CDC42BPB: variants seen among roughly 807,000 people sequenced by gnomAD.
CDC42BPB encodes CDC42 binding protein kinase beta.
Under a neutral mutation model 214.9 loss-of-function variants are expected in CDC42BPB, and 37 were observed. The observed-to-expected ratio is 0.17, with a 90% CI of 0.13 to 0.23. The LOEUF is 0.23. Among genes scored for constraint, CDC42BPB ranks in the 10% least tolerant of loss-of-function variants. The pLI is 1.00. For missense variants in CDC42BPB, 1,694 were observed against 2,227.0 expected (o/e 0.76, Z 4.82); for synonymous variants, 931 against 884.0 (o/e 1.05, Z -0.94).
At chr14:102,969,301 G>A (rs971959324) in intron 14 of CDC42BPB, among the ~76,000 whole-genome samples, 3 of 152,202 alleles carry the variant, frequency 2.0e-5, no homozygotes, top group Non-Finnish European at 2.9e-5. Context: ...GGGCAAGGAG[G>A]GGCAGGAGAG....
At chr14:102,959,505 T>A (rs1892860640) in intron 21 of CDC42BPB, 126 bp downstream of exon 21, 9 of 667,228 alleles carry the variant, frequency 1.3e-5, no homozygotes. Flanking sequence ...AGCACAACGC[T>A]GAGATAAACA....
chr14:103,055,001 G>A (rs1271542595), intron 1 of CDC42BPB, among the ~76,000 whole-genome samples: 1 of 152,258 alleles, frequency 6.6e-6, no homozygotes, highest in African/African-American at 2.4e-5. Flanking sequence ...AGAGGCCAGT[G>A]GGACCACATC....
intron 1 of CDC42BPB, among the ~76,000 whole-genome samples, chr14:103,037,757 G>A (rs1175744998): frequency 6.6e-6 from 1 of 152,148 alleles, no homozygotes; most frequent in African/African-American, 2.4e-5. Flanking sequence ...TAGGCCGGGC[G>A]TGGTGGCTCA....
rs117700140 is a variant in CDC42BPB, at chr14:103,045,176, C to G, written c.175+11823G>C. ...GGGTGAAGTACAACACAGCAAGGAC[C>G]CTGAAGTGCTGTTTTGGGTGCTGTG... On this transcript the variant is annotated intron_variant, in intron 1 of 36. Coordinates refer to ENST00000361246, the MANE Select transcript of CDC42BPB (RefSeq NM_006035.4). Among the ~76,000 whole-genome samples the G allele has an allele frequency of 5.9e-5, 9 of 151,974 alleles. No individual in the cohort carries two copies. In the East Asian group the frequency reaches 1.7e-3, roughly 29 times the overall value.
intron 5 of CDC42BPB, among the ~76,000 whole-genome samples, chr14:102,995,760 G>A (rs531140677): frequency 1.2e-4 from 18 of 152,230 alleles, no homozygotes; most frequent in Non-Finnish European, 2.2e-4. Flanking sequence ...TCCAAACCAT[G>A]CTGTAACGTC....
At chr14:102,968,981 A>G (rs947577156) in intron 14 of CDC42BPB, 24 of 772,832 alleles carry the variant, frequency 3.1e-5, no homozygotes, top group South Asian at 5.9e-5. Flanking sequence ...TCATGCTTGC[A>G]GCATTCTTCT....
intron 8 of CDC42BPB, among the ~76,000 whole-genome samples, chr14:102,978,776 T>G (rs1219193297): frequency 6.6e-6 from 1 of 152,054 alleles, no homozygotes; most frequent in African/African-American, 2.4e-5. Context: ...GAGGCTGAGG[T>G]GGGTGGCTTG....
In CDC42BPB at chr14:102,943,054, G is replaced by A. The variant is rs9324053; in HGVS notation, c.4408+837C>T. Among the ~76,000 whole-genome samples the A allele has an allele frequency of 5.9e-3, 902 of 152,252 alleles. 11 individuals are homozygous for A. The highest frequency in any genetic ancestry group is 0.021 in the African/African-American group (865 of 41,546). ...CGGCTAATTTTTTTTTGTATTTTTA[G>A]TAGAGATGGGGTTTCACCCTATTAG... On this transcript the variant is annotated intron_variant, in intron 30 of 36. Coordinates refer to ENST00000361246, the MANE Select transcript of CDC42BPB (RefSeq NM_006035.4). The surrounding 1 kb of genome is among the most constrained non-coding windows in gnomAD (Gnocchi z 4.6).
At chr14:103,049,146 C>A (rs985739596) in intron 1 of CDC42BPB, among the ~76,000 whole-genome samples, 6 of 152,210 alleles carry the variant, frequency 3.9e-5, no homozygotes, top group African/African-American at 1.2e-4. Context: ...TCTTCTACAG[C>A]AGAAGTCAGC....
chr14:103,051,519 GTGCC>G (rs1325987105), intron 1 of CDC42BPB, among the ~76,000 whole-genome samples: 3 of 151,394 alleles, frequency 2.0e-5, no homozygotes, highest in South Asian at 2.1e-4. Flanking sequence ...ACAGTCCTGT[GTGCC>G]TGCCTGTTTA....
At position 102,954,275 on chromosome 14, in the gene CDC42BPB, C is replaced by A; in HGVS notation, c.2989G>T (p.Asp997Tyr). The change falls in exon 23 of 37, where the codon GAC becomes TAC. Residue 997 changes from aspartate to tyrosine, a missense_variant and splice_region_variant. Coordinates refer to ENST00000361246, the MANE Select transcript of CDC42BPB (RefSeq NM_006035.4). ...GGCCTCTGCGGGGGCCGAGCCATGTCCTGGGAGACAAGCAGGACAGGTGAG... is the reference window on the plus strand; with the variant it reads ...GGCCTCTGCGGGGGCCGAGCCATGTACTGGGAGACAAGCAGGACAGGTGAG... Reference protein sequence around the residue: ...MSVAASEQQEDMARPPQRPSA... With the variant: ...MSVAASEQQEYMARPPQRPSA... 1 of 1,525,504 alleles carries A rather than the reference C, an allele frequency of 6.6e-7. No individual in the cohort carries two copies. Among genetic ancestry groups the A allele is most frequent in the South Asian group, 1.3e-5 (1 of 79,460 alleles). 94.5% of individuals were successfully genotyped at this position (1,525,504 alleles called of 1,614,324 possible).
intron 1 of CDC42BPB, among the ~76,000 whole-genome samples, chr14:103,021,221 G>A (rs1886752335): frequency 6.6e-6 from 1 of 152,232 alleles, no homozygotes; most frequent in Non-Finnish European, 1.5e-5. Context: ...AGCACTTTGG[G>A]AGGCCGAGGC....
Position 102,964,610 on chromosome 14 carries a change from A to G in CDC42BPB, c.2618T>C (p.Met873Thr). ...CGACTGCAGCTCCAGCCGCGCGGAC[A>G]TGTCCAGCTTCTGGCTGCGGCGCAC... ...WKVRRSQKLD[M>T]SARLELQSAL... The change falls in exon 19 of 37, where the codon ATG becomes ACG. Residue 873 changes from methionine to threonine, a missense_variant. Physicochemically the swap from Met to Thr is moderately conservative, Grantham distance 81. Around this residue, in one of 7 missense-constraint regions of CDC42BPB, gnomAD observed 55 missense variants for 95.5 expected, o/e 0.58. Coordinates refer to ENST00000361246, the MANE Select transcript of CDC42BPB (RefSeq NM_006035.4). The G allele has an allele frequency of 6.2e-7, 1 of 1,613,932 alleles. No homozygotes were observed. Among genetic ancestry groups the G allele is most frequent in the Non-Finnish European group, 8.5e-7 (1 of 1,179,958 alleles).
intron 5 of CDC42BPB, among the ~76,000 whole-genome samples, chr14:102,988,489 C>T (rs901916453): frequency 1.2e-4 from 19 of 152,002 alleles, no homozygotes; most frequent in African/African-American, 4.6e-4. Flanking sequence ...GCCAGAAAAA[C>T]CCTGAAGAGT....
intron 12 of CDC42BPB, among the ~76,000 whole-genome samples, chr14:102,972,897 T>C (rs1350526968): frequency 1.3e-5 from 2 of 151,928 alleles, no homozygotes; most frequent in Non-Finnish European, 2.9e-5. Flanking sequence ...AAAGAACACA[T>C]ATGACACAAA....
chr14:102,972,158 G>C lies in CDC42BPB; in HGVS notation c.1645C>G (p.Leu549Val). The change falls in exon 13 of 37, where the codon CTG becomes GTG. Residue 549 changes from leucine to valine, a missense_variant. Coordinates refer to ENST00000361246, the MANE Select transcript of CDC42BPB (RefSeq NM_006035.4). ...RQEKEELHKQ[L>V]VEASERLKSQ... ...TTCAACCGCTCTGAGGCTTCAACCA[G>C]TTGCTGAACAAAAACAATTATAGAT... 6.2e-7 allele frequency: 1 copy of C among 1,613,280 alleles called. No homozygotes were observed. The highest frequency in any genetic ancestry group is 1.1e-5 in the South Asian group (1 of 90,988).
chr14:102,953,146 TGCAGG>T (rs1270792376), intron 23 of CDC42BPB, among the ~76,000 whole-genome samples: 9 of 152,228 alleles, frequency 5.9e-5, no homozygotes, highest in African/African-American at 2.2e-4. Flanking sequence ...AGGGTCGTGG[TGCAGG>T]CCATGCGGGA....
chr14:102,960,983 AC>A (rs1251090006), intron 20 of CDC42BPB, among the ~76,000 whole-genome samples: 3 of 151,884 alleles, frequency 2.0e-5, no homozygotes, highest in African/African-American at 7.3e-5. Flanking sequence ...ATACGGCACA[AC>A]CCCATCTCTA....
At chr14:103,027,079 G>C (rs1439353996) in intron 1 of CDC42BPB, among the ~76,000 whole-genome samples, 1 of 152,134 alleles carries the variant, frequency 6.6e-6, no homozygotes, top group Non-Finnish European at 1.5e-5. Context: ...AATATGCACA[G>C]AAAAAGATGC....
Sources: gnomAD v4.1 joint callset for allele counts (sites outside exome capture counted in the v4.1 genomes callset) on GRCh38, gnomAD v4.1.1 for gene constraint, gnomAD v4.1.1 regional missense constraint, Gnocchi (gnomAD v3.1) non-coding constraint, MANE v1.5 for transcripts, NCBI Gene and HGNC (gene_info 2026-07-23, HGNC 2026-07-21) for gene names.